CEP128: variants seen among roughly 807,000 people sequenced by gnomAD.
CEP128 encodes the protein centrosomal protein 128kDa.
Under a neutral mutation model 156.7 loss-of-function variants are expected in CEP128, and 132 were observed. The observed-to-expected ratio is 0.84, with a 90% CI of 0.73 to 0.97. The LOEUF is 0.97. Ranked by LOEUF, CEP128 falls within the 50% of genes least tolerant of loss-of-function variation. The pLI, the probability that CEP128 is intolerant of heterozygous loss-of-function variation, is 0.00. For missense variants in CEP128, 1,252 were observed against 1,281.9 expected, an observed-to-expected ratio of 0.98 and a Z score of 0.36; for synonymous variants, 469 against 448.9, an observed-to-expected ratio of 1.04 and a Z score of -0.57.
At chr14:80,941,003 C>A (rs1886121398) in intron 1 of CEP128, among the ~76,000 whole-genome samples, 1 of 152,102 alleles carries the variant, frequency 6.6e-6, no homozygotes, top group Non-Finnish European at 1.5e-5. Context: ...AGATTGGCTC[C>A]ATCAAACCAA....
intron 14 of CEP128, among the ~76,000 whole-genome samples, chr14:80,479,919 T>C (rs1355923133): frequency 6.6e-6 from 1 of 152,152 alleles, no homozygotes; most frequent in African/African-American, 2.4e-5. Flanking sequence ...AGTGGGGCAG[T>C]CAAATGTTAA....
intron 19 of CEP128, among the ~76,000 whole-genome samples, chr14:80,648,527 C>T (rs1013996742): frequency 2.0e-5 from 3 of 151,982 alleles, no homozygotes; most frequent in Non-Finnish European, 2.9e-5. Context: ...TTAACTTCTA[C>T]TCCAACCTTT....
intron 14 of CEP128, among the ~76,000 whole-genome samples, chr14:80,789,296 G>C (rs1901581932): frequency 6.6e-6 from 1 of 152,156 alleles, no homozygotes; most frequent in African/African-American, 2.4e-5. Flanking sequence ...AAAAAAGCTA[G>C]GGTGTAGGGA....
chr14:80,493,578 A>T (rs1020121023), downstream of CEP128, among the ~76,000 whole-genome samples: 1 of 152,284 alleles, frequency 6.6e-6, no homozygotes, highest in South Asian at 2.1e-4. Flanking sequence ...ATGCCCAACC[A>T]CAGAAGTATC....
intron 19 of CEP128, among the ~76,000 whole-genome samples, chr14:80,689,593 G>A (rs534113454): frequency 6.6e-6 from 1 of 152,242 alleles, no homozygotes; most frequent in South Asian, 2.1e-4. Context: ...TTGAAAATAT[G>A]CTGAATATGT....
At chr14:80,784,327 C>G (rs904505478) in intron 15 of CEP128, among the ~76,000 whole-genome samples, 2 of 151,538 alleles carry the variant, frequency 1.3e-5, no homozygotes, top group African/African-American at 4.8e-5. Flanking sequence ...TATCACACTC[C>G]TGACAATCAT....
intron 14 of CEP128, among the ~76,000 whole-genome samples, chr14:80,791,956 T>C (rs1328757179): frequency 6.6e-6 from 1 of 152,142 alleles, no homozygotes; most frequent in African/African-American, 2.4e-5. Context: ...TGTACAGAGT[T>C]CTCGACAAGT....
At chr14:80,859,985 AG>A (rs1338217759) in intron 9 of CEP128, among the ~76,000 whole-genome samples, 1 of 152,234 alleles carries the variant, frequency 6.6e-6, no homozygotes, top group Non-Finnish European at 1.5e-5. Flanking sequence ...CATTTTAAGA[AG>A]GCAAAAGAGC....
intron 13 of CEP128, among the ~76,000 whole-genome samples, chr14:80,820,302 G>T (rs1885095746): frequency 6.6e-6 from 1 of 152,152 alleles, no homozygotes; most frequent in South Asian, 2.1e-4. Context: ...TAGTTTGATT[G>T]AATGCTAGAC....
chr14:80,878,681 A>G (rs913597101), intron 8 of CEP128, among the ~76,000 whole-genome samples: 3 of 152,116 alleles, frequency 2.0e-5, no homozygotes, highest in African/African-American at 4.8e-5. Flanking sequence ...CCCATGGGTA[A>G]GAACCACAGC....
chr14:80,913,266 T>C (rs1447497660), intron 4 of CEP128, among the ~76,000 whole-genome samples: 1 of 152,324 alleles, frequency 6.6e-6, no homozygotes, highest in Admixed American at 6.5e-5. Flanking sequence ...GTCACTGCTA[T>C]AATGTTTATA....
chr14:80,532,983 A>T (rs149116607), intron 21 of CEP128, among the ~76,000 whole-genome samples: 2 of 152,302 alleles, frequency 1.3e-5, no homozygotes, highest in African/African-American at 4.8e-5. Context: ...CCTTCTGCTT[A>T]ACATTTATAT....
chr14:80,912,202 C>A (rs569599899), intron 4 of CEP128, among the ~76,000 whole-genome samples: 1 of 149,156 alleles, frequency 6.7e-6, no homozygotes, highest in Non-Finnish European at 1.5e-5. Context: ...GGTGACAGAG[C>A]GAGACTCCAC....
chr14:80,898,311 A>C (rs1311787785), intron 7 of CEP128, among the ~76,000 whole-genome samples: 1 of 152,228 alleles, frequency 6.6e-6, no homozygotes, highest in Non-Finnish European at 1.5e-5. Flanking sequence ...TGAAGTAAGA[A>C]TCTGTAGTAC....
intron 21 of CEP128, among the ~76,000 whole-genome samples, chr14:80,544,741 T>C (rs1337751475): frequency 6.6e-6 from 1 of 152,204 alleles, no homozygotes; most frequent in African/African-American, 2.4e-5. Flanking sequence ...CATATTATTT[T>C]AGTTCTTTCT....
At chr14:80,619,818 G>A (rs1017676435) in intron 19 of CEP128, among the ~76,000 whole-genome samples, 2 of 152,074 alleles carry the variant, frequency 1.3e-5, no homozygotes, top group Admixed American at 6.5e-5. Flanking sequence ...TTTAGGTGAG[G>A]CATAGGTGGA....
chr14:80,611,082 T>C (rs923479698), intron 19 of CEP128, among the ~76,000 whole-genome samples: 2 of 152,086 alleles, frequency 1.3e-5, no homozygotes, highest in African/African-American at 4.8e-5. Flanking sequence ...GTTCTATGTA[T>C]TTTTCAGTAA....
At position 80,940,616 on chromosome 14, in the gene CEP128, T is replaced by C. The variant is rs188395824; in HGVS notation, c.-172+965A>G. Among the ~76,000 whole-genome samples the C allele has an allele frequency of 2.0e-5, 3 of 151,652 alleles. No individual in the cohort carries two copies. In the East Asian group the frequency reaches 5.8e-4, roughly 29 times the overall value. The stretch of plus-strand genomic sequence containing the variant: ...ATCGCTTGAACCCAAGAGGTGGAGG[T>C]TGCAGTGAGCCCAGACCGCGCCACT... On this transcript the variant is annotated intron_variant, in intron 1 of 24. Coordinates refer to ENST00000555265, the MANE Select transcript of CEP128 (RefSeq NM_152446.5).
chr14:80,581,354 G>A (rs1038081983), intron 19 of CEP128, among the ~76,000 whole-genome samples: 3 of 152,142 alleles, frequency 2.0e-5, no homozygotes, highest in Admixed American at 6.6e-5. Flanking sequence ...ATAAGTTACA[G>A]AAGTCTAATA....
Sources: gnomAD v4.1 joint callset for allele counts (sites outside exome capture counted in the v4.1 genomes callset) on GRCh38, gnomAD v4.1.1 for gene constraint, MANE v1.5 for transcripts, NCBI Gene and HGNC (gene_info 2026-07-23, HGNC 2026-07-21) for gene names.